The following COG5 variants were observed in gnomAD, a reference collection of about 807,000 sequenced individuals.
COG5 encodes conserved oligomeric Golgi complex subunit 5.
Under a neutral mutation model 110.4 loss-of-function variants are expected in COG5, and 86 were observed. That is an observed-to-expected ratio of 0.78 (90% CI 0.65 to 0.93). The LOEUF (loss-of-function observed/expected upper bound fraction) is 0.93, where lower values mean the gene tolerates loss of function less well. Among genes scored for constraint, COG5 ranks in the 40% least tolerant of loss-of-function variants. The probability of loss-of-function intolerance (pLI) is 0.00; values close to 1 mark genes in which losing one functional copy is unlikely to be tolerated. For synonymous variants in COG5, 360 were observed against 334.6 expected, an observed-to-expected ratio of 1.08 and a Z score of -0.83; for missense variants, 1,077 against 987.0, an observed-to-expected ratio of 1.09 and a Z score of -1.22.
Position 107,362,331 on chromosome 7 carries a change from G to C in COG5, c.925C>G (p.His309Asp). Reference protein sequence around the residue: ...FWTNMEKLMDHIYAVCGQVQH... With the variant: ...FWTNMEKLMDDIYAVCGQVQH... ...ACCTGTCCACAAACAGCATAAATAT[G>C]ATCCATAAGTTTCTCCATATTGGTC... Residue 309 changes from histidine (H) to aspartate (D), a missense_variant, in exon 9 of 22, where the codon CAT becomes GAT. By Grantham distance (81) the His-to-Asp change is moderately conservative. Transcript: ENST00000297135. 1 of 1,610,078 alleles carries C rather than the reference G, an allele frequency of 6.2e-7. No individual in the cohort carries two copies.
chr7:107,430,240 T>G (rs1012658716), intron 6 of COG5, among the ~76,000 whole-genome samples: 1 of 152,250 alleles, frequency 6.6e-6, no homozygotes, highest in Admixed American at 6.5e-5. Flanking sequence ...TTTAGGTATA[T>G]GATACATTTT....
chr7:107,322,261 T>C (rs1809366695), intron 11 of COG5, among the ~76,000 whole-genome samples: 1 of 152,128 alleles, frequency 6.6e-6, no homozygotes, highest in African/African-American at 2.4e-5. Flanking sequence ...TTAGTGCACT[T>C]ACAAAAGAGG....
intron 5 of COG5, among the ~76,000 whole-genome samples, chr7:107,547,447 C>T (rs1802531995): frequency 6.6e-6 from 1 of 152,132 alleles, no homozygotes; most frequent in African/African-American, 2.4e-5. Context: ...AGCTTTTCCT[C>T]TAAGATCAGG....
rs534727070 is a variant in COG5, at chr7:107,243,582, G to A, written c.1853+4814C>T. The stretch of plus-strand genomic sequence containing the variant: ...CACACAATAACGGTGGGAGACTTCA[G>A]CACTCCAATGACAGTATTAGATAGA... On this transcript the variant is annotated intron_variant, in intron 17 of 21. Transcript: ENST00000297135. Among the ~76,000 whole-genome samples, 23 of 149,080 alleles carry A rather than the reference G, an allele frequency of 1.5e-4. No individual in the cohort carries two copies. The South Asian group carries it at 4.3e-3, about 28-fold the overall frequency.
At chr7:107,459,265 A>G (rs1795847340) in intron 6 of COG5, among the ~76,000 whole-genome samples, 1 of 152,194 alleles carries the variant, frequency 6.6e-6, no homozygotes. Context: ...GTCTATATAT[A>G]TGATGCAAAC....
At chr7:107,444,544 T>C (rs147454613) in intron 6 of COG5, among the ~76,000 whole-genome samples, 1 of 152,202 alleles carries the variant, frequency 6.6e-6, no homozygotes, top group Admixed American at 6.5e-5. Flanking sequence ...TAATGAAACT[T>C]GTTCTAATTC....
At chr7:107,210,662 G>C (rs1211935156) in intron 20 of COG5, 57 bp from the exon 21 acceptor site, 2 of 1,528,744 alleles carry the variant, frequency 1.3e-6, no homozygotes, top group East Asian at 4.8e-5. Context: ...GTAAATGGCA[G>C]CAAGTGCTGG....
chr7:107,495,283 C>T (rs192344965), intron 6 of COG5, among the ~76,000 whole-genome samples: 6 of 152,218 alleles, frequency 3.9e-5, no homozygotes, highest in South Asian at 2.1e-4. Flanking sequence ...GAATCCTTGG[C>T]GATAGCTAAC....
chr7:107,424,260 G>C (rs993834109), intron 6 of COG5, among the ~76,000 whole-genome samples: 2 of 152,026 alleles, frequency 1.3e-5, no homozygotes, highest in Non-Finnish European at 2.9e-5. Context: ...GCAACAGAGC[G>C]AGAGTCTGTC....
intron 9 of COG5, 60 bp downstream of exon 9, chr7:107,362,248 A>G (rs1312511039): frequency 6.9e-7 from 1 of 1,454,310 alleles, no homozygotes; most frequent in African/African-American, 1.4e-5. Context: ...AGGTCACACA[A>G]TTTGGAATAA....
At chr7:107,238,862 T>C (rs192717972) in intron 17 of COG5, among the ~76,000 whole-genome samples, 16 of 152,316 alleles carry the variant, frequency 1.1e-4, no homozygotes, top group African/African-American at 3.8e-4. Flanking sequence ...TGTTATTGAT[T>C]TGAGTTCCTT....
chr7:107,541,496 C>CAAAAA (rs869244428), intron 5 of COG5, among the ~76,000 whole-genome samples: 10 of 31,948 alleles, frequency 3.1e-4, no homozygotes, highest in African/African-American at 5.1e-4. Context: ...GACCCTGTCT[C>CAAAAA]AAAAAAAAAA....
At chr7:107,356,585 C>T (rs1011678310) in intron 10 of COG5, among the ~76,000 whole-genome samples, 1 of 151,874 alleles carries the variant, frequency 6.6e-6, no homozygotes, top group Non-Finnish European at 1.5e-5. Flanking sequence ...TTTACTTTCT[C>T]AAAGGCAGCT....
intron 16 of COG5, 128 bp from the exon 17 acceptor site, chr7:107,248,627 CAG>C (rs1802241343): frequency 4.3e-6 from 3 of 690,912 alleles, no homozygotes; most frequent in Non-Finnish European, 7.6e-6. Flanking sequence ...ACTAAGTTAA[CAG>C]AAGTCTGCTC....
chr7:107,381,377 T>A (rs536663187), intron 7 of COG5, among the ~76,000 whole-genome samples: 1 of 152,322 alleles, frequency 6.6e-6, no homozygotes, highest in South Asian at 2.1e-4. Flanking sequence ...TCAGTCTTCT[T>A]TAGGTTATAT....
intron 1 of COG5, chr7:107,563,345 T>C: frequency 3.9e-6 from 1 of 258,128 alleles, no homozygotes; most frequent in Admixed American, 5.2e-5. Context: ...TACAGTCCAT[T>C]TGTTAAAGGA....
At chr7:107,209,282 AAT>A (rs1343895435) in intron 21 of COG5, 33 of 973,642 alleles carry the variant, frequency 3.4e-5, no homozygotes, top group Non-Finnish European at 3.9e-5. Flanking sequence ...AGAGGAGTTG[AAT>A]GATGATGTAA....
At chr7:107,263,646 A>T (rs768588615) in intron 14 of COG5, among the ~76,000 whole-genome samples, 15 of 152,176 alleles carry the variant, frequency 9.9e-5, no homozygotes, top group Non-Finnish European at 2.2e-4. Context: ...TAAAAATTAA[A>T]ATAATTCTTA....
chr7:107,461,519 C>T (rs564860349), intron 6 of COG5, among the ~76,000 whole-genome samples: 1 of 152,198 alleles, frequency 6.6e-6, no homozygotes, highest in African/African-American at 2.4e-5. Context: ...TGGAAAAAAG[C>T]AGTTATGTCT....
Sources: gnomAD v4.1 joint callset for allele counts (sites outside exome capture counted in the v4.1 genomes callset) on GRCh38, gnomAD v4.1.1 for gene constraint, MANE v1.5 for transcripts, NCBI Gene and HGNC (gene_info 2026-07-23, HGNC 2026-07-21) for gene names.